SLC38A1: variants seen among roughly 807,000 people sequenced by gnomAD.
SLC38A1 encodes the protein sodium-coupled neutral amino acid symporter 1.
A neutral mutation model predicts 60.3 loss-of-function variants in SLC38A1; 18 were observed. That is an observed-to-expected ratio of 0.30 (90% CI 0.21 to 0.44). SLC38A1 has a LOEUF of 0.44. SLC38A1 is among the 20% of genes least tolerant of loss of function. SLC38A1 has a pLI of 1.00. For synonymous variants in SLC38A1, 196 were observed against 212.1 expected, an observed-to-expected ratio of 0.92 and a Z score of 0.66; for missense variants, 448 against 587.2, an observed-to-expected ratio of 0.76 and a Z score of 2.45.
At chr12:46,189,500 G>C (rs1939053989) in intron 16 of SLC38A1, among the ~76,000 whole-genome samples, 1 of 152,052 alleles carries the variant, frequency 6.6e-6, no homozygotes, top group Admixed American at 6.5e-5. Context: ...GTTTGAAAAA[G>C]TGGAAAAAAA....
rs1185404707 is a variant in SLC38A1 at position 46,185,437 on chromosome 12, G to T, written c.*3533C>A. The T allele has an allele frequency of 6.6e-6, 1 of 151,978 alleles. No individual in the cohort carries two copies. Among genetic ancestry groups the T allele is most frequent in the African/African-American group, 2.4e-5 (1 of 41,392 alleles). The allele number at this position is 151,978 out of a possible 1,614,324, so 9.4% of individuals were successfully genotyped here. On this transcript the variant is annotated 3_prime_UTR_variant, in exon 17 of 17. Transcript: ENST00000398637. Reference sequence around the variant, plus strand: ...CTGGGTGCTTCTTTTTCTCAACAGGGTCTGTAACTGTAAAAAAGGAAAGTG... The same window carrying T: ...CTGGGTGCTTCTTTTTCTCAACAGGTTCTGTAACTGTAAAAAAGGAAAGTG...
intron 1 of SLC38A1, among the ~76,000 whole-genome samples, chr12:46,258,645 T>A (rs1490654070): frequency 6.6e-6 from 1 of 152,082 alleles, no homozygotes; most frequent in Non-Finnish European, 1.5e-5. Flanking sequence ...TTGGACTTTT[T>A]AAAATGTGTT....
intron 3 of SLC38A1, among the ~76,000 whole-genome samples, chr12:46,238,765 A>C (rs955044147): frequency 2.0e-5 from 3 of 152,214 alleles, no homozygotes; most frequent in Non-Finnish European, 4.4e-5. Context: ...GGGAGCTTCC[A>C]GGCCAGCACT....
intron 16 of SLC38A1, among the ~76,000 whole-genome samples, chr12:46,194,911 C>T (rs959773255): frequency 4.0e-5 from 6 of 151,752 alleles, no homozygotes; most frequent in African/African-American, 7.3e-5. Flanking sequence ...TTTGTTATTA[C>T]CAACCTTCTG....
intron 3 of SLC38A1, among the ~76,000 whole-genome samples, chr12:46,233,202 G>C (rs1941140892): frequency 6.6e-6 from 1 of 151,932 alleles, no homozygotes; most frequent in Admixed American, 6.6e-5. Flanking sequence ...AAAAAAAATT[G>C]TGTAGGGATG....
intron 5 of SLC38A1, among the ~76,000 whole-genome samples, chr12:46,228,639 G>T (rs1204776655): frequency 6.6e-6 from 1 of 152,096 alleles, no homozygotes; most frequent in Admixed American, 6.6e-5. Context: ...TATTTAAAAA[G>T]AAAATTGCCC....
rs959611206 is a variant in SLC38A1, at chr12:46,195,162, T to C, written c.1362+2558A>G. ...TGTTGATGTTGATGCTATTGCTTTC[T>C]CTTTGTTAGTTTTCCTTCCCACAGT... On this transcript the variant is annotated intron_variant, in intron 16 of 16. Transcript: ENST00000398637. Among the ~76,000 whole-genome samples, 9 of 152,230 alleles carry C rather than the reference T, an allele frequency of 5.9e-5. No homozygotes were observed. In the East Asian group the frequency reaches 1.7e-3, roughly 29 times the overall value.
chr12:46,204,196 T>A (rs1939787625), intron 11 of SLC38A1, 105 bp downstream of exon 11: 1 of 752,658 alleles, frequency 1.3e-6, no homozygotes, highest in East Asian at 2.5e-5. Flanking sequence ...TATCATGTGT[T>A]CTTTTGAGAA....
chr12:46,266,236 C>T (rs1381414318), intron 1 of SLC38A1, among the ~76,000 whole-genome samples: 2 of 151,996 alleles, frequency 1.3e-5, no homozygotes, highest in African/African-American at 2.4e-5. Flanking sequence ...GGTTTTTGTC[C>T]ACAAGCATCA....
rs757470595 is a variant in SLC38A1 at position 46,268,985 on chromosome 12, CCG to C, written c.-670_-669del. 86 of 395,872 alleles carry C rather than the reference CCG, an allele frequency of 2.2e-4. 1 individual carries two copies. Among genetic ancestry groups the C allele is most frequent in the South Asian group, 1.5e-3 (83 of 56,404 alleles). 24.5% of individuals were successfully genotyped at this position (395,872 alleles called of 1,614,324 possible). A position where few individuals can be genotyped will look rare whatever the true frequency, so the allele number is the denominator to read the frequency against. The stretch of plus-strand genomic sequence containing the variant: ...CGCGGACAGGCCATTCCTCCCCGTC[CCG>C]CGCGCGGTCTCCTCCCCTCCTGTGC... On this transcript the variant is annotated 5_prime_UTR_variant, in exon 1 of 17. Transcript: ENST00000398637. The surrounding 1 kb of genome is among the most constrained non-coding windows in gnomAD (Gnocchi z 4.4).
intron 5 of SLC38A1, among the ~76,000 whole-genome samples, chr12:46,220,968 A>G (rs956560201): frequency 2.6e-5 from 4 of 152,132 alleles, no homozygotes; most frequent in Admixed American, 6.5e-5. Flanking sequence ...TTTTACTTCT[A>G]TTTCTATTTA....
intron 1 of SLC38A1, among the ~76,000 whole-genome samples, chr12:46,261,322 T>G (rs1205895280): frequency 6.6e-6 from 1 of 152,196 alleles, no homozygotes; most frequent in Non-Finnish European, 1.5e-5. Flanking sequence ...CTGTGATGAA[T>G]TCTTACAGCA....
At chr12:46,213,921 C>A (rs1460815692) in intron 5 of SLC38A1, among the ~76,000 whole-genome samples, 1 of 152,164 alleles carries the variant, frequency 6.6e-6, no homozygotes, top group Non-Finnish European at 1.5e-5. Flanking sequence ...AACATTAGAA[C>A]CTCATTGGCA....
chr12:46,260,143 G>T (rs1366184656), intron 1 of SLC38A1, among the ~76,000 whole-genome samples: 2 of 152,156 alleles, frequency 1.3e-5, no homozygotes, highest in Admixed American at 6.5e-5. Flanking sequence ...TGTGACCATT[G>T]TTCCTGTTTT....
chr12:46,266,797 C>T (rs1215652842), intron 1 of SLC38A1, among the ~76,000 whole-genome samples: 1 of 152,074 alleles, frequency 6.6e-6, no homozygotes, highest in Non-Finnish European at 1.5e-5. Context: ...GAATAAACCT[C>T]AAGATTAAGA....
chr12:46,195,722 G>C (rs542380157), intron 16 of SLC38A1: 1 of 191,392 alleles, frequency 5.2e-6, no homozygotes, highest in African/African-American at 2.3e-5. Flanking sequence ...TGCGCTAGCA[G>C]TGAGCAAGGC....
intron 1 of SLC38A1, among the ~76,000 whole-genome samples, chr12:46,258,728 A>C (rs543358003): frequency 2.0e-5 from 3 of 152,322 alleles, no homozygotes; most frequent in East Asian, 3.9e-4. Flanking sequence ...ATCTCTGCTC[A>C]CTGCAACCTC....
At position 46,207,094 on chromosome 12, in the gene SLC38A1, T is replaced by G. The variant is rs536125817; in HGVS notation, c.563+61A>C. 6 of 1,113,234 alleles carry G rather than the reference T, an allele frequency of 5.4e-6. No individual in the cohort carries two copies. In the African/African-American group the frequency reaches 8.1e-5, roughly 15 times the overall value. 69.0% of individuals were successfully genotyped at this position (1,113,234 alleles called of 1,614,324 possible). A position where few individuals can be genotyped will look rare whatever the true frequency, so the allele number is the denominator to read the frequency against. On this transcript the variant is annotated intron_variant, in intron 8 of 16. Transcript: ENST00000398637. ...AATATTCACAAGCAAGAATTTTGAT[T>G]GGCCCATATTTAAATTAAAAACATT...
rs557076498 is a variant in SLC38A1 at position 46,253,315 on chromosome 12, A to T, written c.-208-10001T>A. ...GCAAAGCAGAAGCAAGATTATTAAG[A>T]AAGTAAAGGAATAAAAGAATGGCTA... On this transcript the variant is annotated intron_variant, in intron 1 of 16. Transcript: ENST00000398637. Among the ~76,000 whole-genome samples, 45 of 152,360 alleles carry T rather than the reference A, an allele frequency of 3.0e-4. No individual in the cohort carries two copies. In the South Asian group the frequency reaches 8.9e-3, roughly 30 times the overall value.
Sources: gnomAD v4.1 joint callset for allele counts (sites outside exome capture counted in the v4.1 genomes callset) on GRCh38, gnomAD v4.1.1 for gene constraint, Gnocchi (gnomAD v3.1) non-coding constraint, MANE v1.5 for transcripts, NCBI Gene and HGNC (gene_info 2026-07-23, HGNC 2026-07-21) for gene names.